Variants in MTHFD1L observed in about 807,000 individuals in gnomAD.
The protein encoded by MTHFD1L is monofunctional C1-tetrahydrofolate synthase, mitochondrial.
A neutral mutation model predicts 119.5 loss-of-function variants in MTHFD1L; 81 were observed. The observed-to-expected ratio is 0.68, with a 90% CI of 0.57 to 0.82. MTHFD1L has a LOEUF of 0.82. Among genes scored for constraint, MTHFD1L ranks in the 40% least tolerant of loss-of-function variants. The pLI, the probability that MTHFD1L is intolerant of heterozygous loss-of-function variation, is 0.00. For missense variants in MTHFD1L, 1,125 were observed against 1,253.4 expected, an observed-to-expected ratio of 0.90 and a Z score of 1.55; for synonymous variants, 430 against 475.2, an observed-to-expected ratio of 0.90 and a Z score of 1.24.
chr6:150,922,336 C>A, intron 10 of MTHFD1L, 34 bp downstream of exon 10: 1 of 1,562,402 alleles, frequency 6.4e-7, no homozygotes, highest in Non-Finnish European at 8.8e-7. Flanking sequence ...CTGATGTCAG[C>A]TCAGCACAGT....
At chr6:151,095,672 A>G (rs1363808954) in intron 27 of MTHFD1L, among the ~76,000 whole-genome samples, 1 of 152,236 alleles carries the variant, frequency 6.6e-6, no homozygotes, top group Non-Finnish European at 1.5e-5. Flanking sequence ...CTTCCAATGT[A>G]TCGGGCATTG....
intron 24 of MTHFD1L, among the ~76,000 whole-genome samples, chr6:151,021,837 A>G (rs913084623): frequency 1.2e-4 from 18 of 152,202 alleles, no homozygotes; most frequent in African/African-American, 4.3e-4. Flanking sequence ...ATTTTTGCAA[A>G]GAAGGAGGTA....
chr6:150,984,111 T>A (rs1405363048), intron 20 of MTHFD1L, among the ~76,000 whole-genome samples: 3 of 152,248 alleles, frequency 2.0e-5, no homozygotes, highest in Non-Finnish European at 4.4e-5. Flanking sequence ...CATTGTCTAT[T>A]GACTTTAATA....
chr6:150,929,548 TTTTCAGG>T (rs1247811684), intron 11 of MTHFD1L, among the ~76,000 whole-genome samples: 1 of 152,166 alleles, frequency 6.6e-6, no homozygotes, highest in Non-Finnish European at 1.5e-5. Context: ...GATGATACTG[TTTTCAGG>T]TTCCTTACTT....
intron 26 of MTHFD1L, among the ~76,000 whole-genome samples, chr6:151,056,454 G>C (rs888822653): frequency 1.3e-5 from 2 of 152,232 alleles, no homozygotes; most frequent in Admixed American, 6.5e-5. Context: ...TGAAAGGCCT[G>C]CTTGGGCAAT....
intron 24 of MTHFD1L, among the ~76,000 whole-genome samples, chr6:151,017,235 T>A (rs1222011646): frequency 6.6e-6 from 1 of 152,160 alleles, no homozygotes; most frequent in African/African-American, 2.4e-5. Context: ...CCATTCTCCT[T>A]CATTTCCATG....
intron 26 of MTHFD1L, among the ~76,000 whole-genome samples, chr6:151,087,269 A>G (rs1442252616): frequency 6.6e-6 from 1 of 151,010 alleles, no homozygotes; most frequent in Non-Finnish European, 1.5e-5. Context: ...AAATAAATAA[A>G]TAAATAAATA....
intron 18 of MTHFD1L, among the ~76,000 whole-genome samples, chr6:150,961,484 C>T (rs928317059): frequency 6.6e-6 from 1 of 152,194 alleles, no homozygotes; most frequent in African/African-American, 2.4e-5. Flanking sequence ...ACACAGGCCT[C>T]TAAGATAGCC....
intron 20 of MTHFD1L, among the ~76,000 whole-genome samples, chr6:151,007,727 A>G (rs903837825): frequency 6.6e-6 from 1 of 152,200 alleles, no homozygotes; most frequent in Non-Finnish European, 1.5e-5. Flanking sequence ...TTTGGGGTCC[A>G]TGATGCCACC....
intron 17 of MTHFD1L, among the ~76,000 whole-genome samples, chr6:150,958,594 A>G (rs187749652): frequency 2.6e-4 from 39 of 152,256 alleles, no homozygotes; most frequent in African/African-American, 9.1e-4. Context: ...CATTTGCCCT[A>G]TCGTGATTAT....
chr6:150,909,448 G>A lies in MTHFD1L; in HGVS notation c.892+3687G>A, dbSNP rs1018755426. Reference sequence around the variant, plus strand: ...GTTGAGGCAGGGTTCTCACTGTGTTGCCCAGGCTGGTCTTGAACTCCCGGC... The same window carrying A: ...GTTGAGGCAGGGTTCTCACTGTGTTACCCAGGCTGGTCTTGAACTCCCGGC... On this transcript the variant is annotated intron_variant, in intron 8 of 27. Coordinates refer to ENST00000367321, the MANE Select transcript of MTHFD1L (RefSeq NM_015440.5). Among the ~76,000 whole-genome samples the A allele has an allele frequency of 3.9e-5, 6 of 152,070 alleles. No homozygotes were observed. The East Asian group carries it at 1.2e-3, about 29-fold the overall frequency.
intron 24 of MTHFD1L, among the ~76,000 whole-genome samples, chr6:151,020,245 A>G (rs1783761075): frequency 6.6e-6 from 1 of 152,250 alleles, no homozygotes; most frequent in African/African-American, 2.4e-5. Context: ...GCTAGAGCCC[A>G]GGGCATGACT....
At chr6:151,088,708 C>T (rs564051671) in intron 26 of MTHFD1L, among the ~76,000 whole-genome samples, 40 of 151,380 alleles carry the variant, frequency 2.6e-4, no homozygotes, top group African/African-American at 8.5e-4. Context: ...CCGCCCGCCT[C>T]GGCCTCCCAA....
At chr6:150,939,382 C>T (rs767845909) in intron 13 of MTHFD1L, 5 of 152,390 alleles carry the variant, frequency 3.3e-5, no homozygotes, top group African/African-American at 9.7e-5. Context: ...AAAGAACTGA[C>T]GTTGTTAATT....
chr6:150,962,930 T>C (rs1385700357), intron 18 of MTHFD1L, among the ~76,000 whole-genome samples: 8 of 149,352 alleles, frequency 5.4e-5, no homozygotes, highest in African/African-American at 2.0e-4. Flanking sequence ...TTTTTTTTTT[T>C]TTTGAGATGG....
intron 26 of MTHFD1L, among the ~76,000 whole-genome samples, chr6:151,051,806 A>G (rs1468212767): frequency 6.6e-6 from 1 of 152,236 alleles, no homozygotes; most frequent in African/African-American, 2.4e-5. Flanking sequence ...AGGGTAGGCC[A>G]AGAATGCTGC....
chr6:150,941,028 G>A (rs763996369), intron 13 of MTHFD1L, among the ~76,000 whole-genome samples: 2 of 152,234 alleles, frequency 1.3e-5, no homozygotes, highest in Non-Finnish European at 2.9e-5. Flanking sequence ...TTGACTGTGT[G>A]CCAGGCACAG....
chr6:151,011,016 A>G (rs940866229), intron 21 of MTHFD1L, among the ~76,000 whole-genome samples: 1 of 152,218 alleles, frequency 6.6e-6, no homozygotes, highest in African/African-American at 2.4e-5. Context: ...CTTAGGGAAT[A>G]TGGACAATGT....
Position 150,865,725 on chromosome 6 carries a change from C to A in MTHFD1L, c.-98C>A. The A allele has an allele frequency of 9.6e-7, 1 of 1,040,328 alleles. No homozygotes were observed. The allele number at this position is 1,040,328 out of a possible 1,614,324, so 64.4% of individuals were successfully genotyped here. ...AGGAGGAAGCGCCAGGTCCTTCCCG[C>A]CGCCGCCGCCGCCGCCGCCGCCTGC... is the stretch of plus-strand genomic sequence containing the variant. On this transcript the variant is annotated 5_prime_UTR_variant, in exon 1 of 28. Transcript: ENST00000367321.
Sources: gnomAD v4.1 joint callset for allele counts (sites outside exome capture counted in the v4.1 genomes callset) on GRCh38, gnomAD v4.1.1 for gene constraint, MANE v1.5 for transcripts, NCBI Gene and HGNC (gene_info 2026-07-23, HGNC 2026-07-21) for gene names.